CSMD1: variants seen among roughly 807,000 people sequenced by gnomAD.
CSMD1 encodes CUB and sushi domain-containing protein 1.
In CSMD1, 213 loss-of-function variants were observed where a neutral mutation model predicts 417.5. The ratio of observed to expected loss-of-function variants is 0.51; its 90% CI spans 0.46 to 0.57. CSMD1 has a LOEUF of 0.57. Ranked by LOEUF, CSMD1 falls within the 20% of genes least tolerant of loss-of-function variation. CSMD1 has a pLI of 0.00. For missense variants in CSMD1, 6,923 were observed against 4,529.7 expected (o/e 1.53, Z -15.17); for synonymous variants, 2,862 against 1,736.8 (o/e 1.65, Z -16.11).
At chr8:3,306,802 G>A (rs1804889924) in intron 25 of CSMD1, among the ~76,000 whole-genome samples, 1 of 151,614 alleles carries the variant, frequency 6.6e-6, no homozygotes, top group Non-Finnish European at 1.5e-5. Flanking sequence ...TTTGGAGACA[G>A]ATTTCTGAGT....
At chr8:3,899,496 A>C (rs2975338) in intron 5 of CSMD1, among the ~76,000 whole-genome samples, 5,402 of 152,200 alleles carry the variant, frequency 0.035, 320 homozygotes, top group African/African-American at 0.12. Flanking sequence ...CTAGACCTGG[A>C]AGGACCCTCA....
chr8:4,864,889 C>CACACACAA (rs1220716486), intron 1 of CSMD1, among the ~76,000 whole-genome samples: 2 of 149,754 alleles, frequency 1.3e-5, no homozygotes, highest in East Asian at 1.9e-4. Context: ...CACACACACA[C>CACACACAA]ACACACAAAC....
chr8:4,417,026 A>G (rs1436460021), intron 3 of CSMD1, among the ~76,000 whole-genome samples: 2 of 152,102 alleles, frequency 1.3e-5, no homozygotes, highest in Non-Finnish European at 2.9e-5. Context: ...GTCCAAGTAT[A>G]GAACTAGCAA....
At chr8:3,414,733 A>G (rs1813020786) in intron 12 of CSMD1, among the ~76,000 whole-genome samples, 1 of 152,186 alleles carries the variant, frequency 6.6e-6, no homozygotes, top group African/African-American at 2.4e-5. Context: ...GGTGTTTCAC[A>G]ATCCAGACTT....
chr8:4,796,665 C>G (rs1797999186), intron 1 of CSMD1, among the ~76,000 whole-genome samples: 1 of 152,176 alleles, frequency 6.6e-6, no homozygotes, highest in Non-Finnish European at 1.5e-5. Flanking sequence ...AACAAATGAG[C>G]AACCAACTCA....
At chr8:4,541,149 C>T (rs1254327502) in intron 2 of CSMD1, among the ~76,000 whole-genome samples, 3 of 152,110 alleles carry the variant, frequency 2.0e-5, no homozygotes, top group Middle Eastern at 3.4e-3. Context: ...CAATTTAAGC[C>T]AATAGTGGTG....
At chr8:3,124,223 T>C (rs994344112) in intron 41 of CSMD1, among the ~76,000 whole-genome samples, 9 of 152,190 alleles carry the variant, frequency 5.9e-5, no homozygotes, top group African/African-American at 2.2e-4. Flanking sequence ...TAAAGATTAT[T>C]TATTGACTCT....
At chr8:4,055,850 T>A (rs1398420830) in intron 3 of CSMD1, among the ~76,000 whole-genome samples, 1 of 152,120 alleles carries the variant, frequency 6.6e-6, no homozygotes, top group Admixed American at 6.6e-5. Flanking sequence ...TCTTTTTTAC[T>A]ATGCCAGCTT....
At chr8:4,853,688 G>A (rs1021860119) in intron 1 of CSMD1, among the ~76,000 whole-genome samples, 1 of 152,170 alleles carries the variant, frequency 6.6e-6, no homozygotes, top group Non-Finnish European at 1.5e-5. Context: ...GAAGACCACT[G>A]CCTTCCAAAC....
intron 12 of CSMD1, among the ~76,000 whole-genome samples, chr8:3,415,714 T>C (rs1813093919): frequency 2.0e-5 from 3 of 152,188 alleles, no homozygotes; most frequent in Admixed American, 6.5e-5. Context: ...TATATGAAGA[T>C]TTTATATATT....
At chr8:4,337,155 C>G (rs1436289378) in intron 3 of CSMD1, among the ~76,000 whole-genome samples, 2 of 152,136 alleles carry the variant, frequency 1.3e-5, no homozygotes, top group African/African-American at 2.4e-5. Flanking sequence ...ACCTTCATTA[C>G]TACTCTATCT....
intron 10 of CSMD1, among the ~76,000 whole-genome samples, chr8:3,562,571 T>G (rs1190895771): frequency 6.6e-6 from 1 of 152,190 alleles, no homozygotes. Context: ...AAACTCTCCC[T>G]TAATATGCTT....
At chr8:3,338,768 G>A (rs559551946) in intron 23 of CSMD1, among the ~76,000 whole-genome samples, 1 of 150,558 alleles carries the variant, frequency 6.6e-6, no homozygotes, top group East Asian at 1.9e-4. Context: ...ATGGAATTGT[G>A]GCAGCTCTAT....
At chr8:4,367,933 A>C (rs111957031) in intron 3 of CSMD1, among the ~76,000 whole-genome samples, 1,561 of 152,246 alleles carry the variant, frequency 0.01, 21 homozygotes, top group African/African-American at 0.036. Context: ...GTTGTTTATC[A>C]GTTCTAGAAG....
At chr8:3,590,751 G>C (rs541981139) in intron 8 of CSMD1, among the ~76,000 whole-genome samples, 1 of 152,146 alleles carries the variant, frequency 6.6e-6, no homozygotes, top group African/African-American at 2.4e-5. Flanking sequence ...CATTCCAGCA[G>C]CACAGCCGAG....
At chr8:3,530,832 T>C (rs1248679815) in intron 10 of CSMD1, among the ~76,000 whole-genome samples, 2 of 150,614 alleles carry the variant, frequency 1.3e-5, no homozygotes. Flanking sequence ...CCTGCCCTGC[T>C]GCAGTGAATC....
intron 23 of CSMD1, among the ~76,000 whole-genome samples, chr8:3,325,773 G>A (rs1309565953): frequency 1.3e-5 from 2 of 152,122 alleles, no homozygotes; most frequent in African/African-American, 2.4e-5. Flanking sequence ...GCAGTGAGCC[G>A]AGACTGTACC....
intron 5 of CSMD1, among the ~76,000 whole-genome samples, chr8:3,770,230 C>A (rs144402910): frequency 6.6e-6 from 1 of 152,092 alleles, no homozygotes; most frequent in Non-Finnish European, 1.5e-5. Flanking sequence ...TTCCTTGGTG[C>A]AAGAAAATAC....
chr8:4,785,179 C>T (rs2117206442), intron 1 of CSMD1, among the ~76,000 whole-genome samples: 1 of 152,310 alleles, frequency 6.6e-6, no homozygotes, highest in Non-Finnish European at 1.5e-5. Context: ...AATATGACTC[C>T]TAGCCTGATC....
Sources: gnomAD v4.1 joint callset for allele counts (sites outside exome capture counted in the v4.1 genomes callset) on GRCh38, gnomAD v4.1.1 for gene constraint, MANE v1.5 for transcripts, NCBI Gene and HGNC (gene_info 2026-07-23, HGNC 2026-07-21) for gene names.